Variants in PROS1 observed in about 807,000 individuals in gnomAD.
PROS1 encodes the protein vitamin K-dependent protein S.
In PROS1, 29 loss-of-function variants were observed where a neutral mutation model predicts 75.9. The observed-to-expected ratio is 0.38, with a 90% CI of 0.28 to 0.52. The LOEUF is 0.52. PROS1 is among the 20% of genes least tolerant of loss of function. PROS1 has a pLI of 0.83. For synonymous variants in PROS1, 245 were observed against 280.6 expected, an observed-to-expected ratio of 0.87 and a Z score of 1.27; for missense variants, 680 against 810.3, an observed-to-expected ratio of 0.84 and a Z score of 1.95.
chr3:93,931,715 A>T (rs1026073793), intron 1 of PROS1, among the ~76,000 whole-genome samples: 2 of 151,684 alleles, frequency 1.3e-5, no homozygotes, highest in African/African-American at 4.8e-5. Context: ...TTCTGGAAGC[A>T]TAATGCCTTC....
At position 93,900,066 on chromosome 3, in the gene PROS1, T is replaced by A. The variant is rs191910584; in HGVS notation, c.727+738A>T. 7.1e-4 allele frequency among the ~76,000 whole-genome samples: 108 copies of A among 152,294 alleles called. 1 individual carries two copies. Among genetic ancestry groups the A allele is most frequent in the African/African-American group, 2.4e-3 (101 of 41,562 alleles). On this transcript the variant is annotated intron_variant, in intron 7 of 14. Coordinates refer to ENST00000394236, the MANE Select transcript of PROS1 (RefSeq NM_000313.4). ...TGTTGATTAGTTCCAGCCATGGCAG[T>A]AAATCTGTTTTAAAATTTTAAAAAA...
At position 93,957,719 on chromosome 3, in the gene PROS1, C is replaced by CAAGATATAAAAATCCAA. The variant is rs1197268840; in HGVS notation, c.76+15954_76+15955insTTGGATTTTTATATCTT. Among the ~76,000 whole-genome samples, 2 of 152,070 alleles carry CAAGATATAAAAATCCAA rather than the reference C, an allele frequency of 1.3e-5. 1 individual carries two copies. The highest frequency in any genetic ancestry group is 2.9e-5 in the Non-Finnish European group (2 of 68,036). ...TCTTGGGGGATTGGCTCCAGGACCC[C>CAAGATATAAAAATCCAA]GGCAGATATAAAAATCCAAGGATGC... is the stretch of plus-strand genomic sequence containing the variant. On this transcript the variant is annotated intron_variant, in intron 1 of 14. Coordinates refer to ENST00000394236, the MANE Select transcript of PROS1 (RefSeq NM_000313.4).
chr3:93,927,973 GTA>G (rs1274766996), intron 1 of PROS1, among the ~76,000 whole-genome samples: 3 of 94,112 alleles, frequency 3.2e-5, no homozygotes, highest in Admixed American at 1.3e-4. Flanking sequence ...ATATATGTGT[GTA>G]TATATATGTG....
Position 93,873,081 on chromosome 3 carries a change from G to C in PROS1, c.*1164C>G, listed in dbSNP as rs986728524. On this transcript the variant is annotated 3_prime_UTR_variant, in exon 15 of 15. Coordinates refer to ENST00000394236, the MANE Select transcript of PROS1 (RefSeq NM_000313.4). ...TATGTAATTTTGTTTTATTCAAACA[G>C]TTGATATAATAAAGATATTCACATG... The C allele has an allele frequency of 2.0e-5, 3 of 152,154 alleles. No individual in the cohort carries two copies. The highest frequency in any genetic ancestry group is 7.2e-5 in the African/African-American group (3 of 41,432). The allele number at this position is 152,154 out of a possible 1,614,324, so 9.4% of individuals were successfully genotyped here.
intron 1 of PROS1, among the ~76,000 whole-genome samples, chr3:93,930,847 T>G (rs1289019572): frequency 6.6e-6 from 1 of 152,192 alleles, no homozygotes; most frequent in African/African-American, 2.4e-5. Context: ...ATCATAGGCA[T>G]CCCAACTCTC....
At position 93,973,659 on chromosome 3, in the gene PROS1, C is replaced by T. The variant is rs1266146243; in HGVS notation, c.76+15G>A. 2 of 1,612,792 alleles carry T rather than the reference C, an allele frequency of 1.2e-6. No homozygotes were observed. The highest frequency in any genetic ancestry group is 1.7e-6 in the Non-Finnish European group (2 of 1,179,076). On this transcript the variant is annotated intron_variant, in intron 1 of 14. Transcript: ENST00000394236. ...AATGCTGGGGAAGGGAGAAGAGACG[C>T]TATTGATTACTCACAGTTTGCCTCT...
At chr3:93,973,249 G>A (rs553763858) in intron 1 of PROS1, among the ~76,000 whole-genome samples, 2 of 152,306 alleles carry the variant, frequency 1.3e-5, no homozygotes, top group African/African-American at 4.8e-5. Context: ...GCAAAAGGGA[G>A]GCAGGTTTCA....
At chr3:93,882,754 C>G (rs1326491300) in intron 12 of PROS1, among the ~76,000 whole-genome samples, 1 of 152,082 alleles carries the variant, frequency 6.6e-6, no homozygotes, top group South Asian at 2.1e-4. Flanking sequence ...ACCATGCACT[C>G]AAGAGAAAAC....
intron 12 of PROS1, among the ~76,000 whole-genome samples, chr3:93,884,323 G>A (rs1708314236): frequency 6.6e-6 from 1 of 152,160 alleles, no homozygotes; most frequent in Non-Finnish European, 1.5e-5. Context: ...AACTAGACAA[G>A]TGTGAACAGA....
chr3:93,882,705 C>T (rs1163574588), intron 12 of PROS1, among the ~76,000 whole-genome samples: 1 of 152,170 alleles, frequency 6.6e-6, no homozygotes, highest in Non-Finnish European at 1.5e-5. Context: ...GACACAAAGA[C>T]AATTCATGCT....
At chr3:93,900,104 T>C (rs1284120886) in intron 7 of PROS1, among the ~76,000 whole-genome samples, 1 of 152,128 alleles carries the variant, frequency 6.6e-6, no homozygotes, top group African/African-American at 2.4e-5. Flanking sequence ...GAAAGGAAGG[T>C]ATGAGATAAT....
At chr3:93,952,930 A>G (rs556538493) in intron 1 of PROS1, among the ~76,000 whole-genome samples, 2 of 152,346 alleles carry the variant, frequency 1.3e-5, no homozygotes, top group East Asian at 3.9e-4. Context: ...ACTAACTACC[A>G]TCAGAGAAAA....
rs1445245201 is a variant in PROS1, at chr3:93,879,166, T to C, written c.1641A>G (p.Ser547=). The change falls in exon 13 of 15, where the codon TCA becomes TCG. Residue 547 remains serine, a synonymous_variant. Transcript: ENST00000394236. The stretch of plus-strand genomic sequence containing the variant: ...TATAGGTTTAGAGTTAAGTTACCTG[T>C]GATTTTTCAGAGGTGGAGTCCACCA... ...VSLVDSTSEK[S]QDILLSVENT... 9 of 1,614,014 alleles carry C rather than the reference T, an allele frequency of 5.6e-6. No individual in the cohort carries two copies. The highest frequency in any genetic ancestry group is 7.6e-6 in the Non-Finnish European group (9 of 1,179,920).
intron 1 of PROS1, among the ~76,000 whole-genome samples, chr3:93,950,151 G>A (rs1424142015): frequency 2.0e-5 from 3 of 152,176 alleles, no homozygotes; most frequent in African/African-American, 7.2e-5. Context: ...GTCTGCCATT[G>A]CTGAGGCTTG....
At chr3:93,936,681 G>A (rs1482844009) in intron 1 of PROS1, among the ~76,000 whole-genome samples, 1 of 152,072 alleles carries the variant, frequency 6.6e-6, no homozygotes, top group Admixed American at 6.6e-5. Context: ...AAATTTCTAT[G>A]GTTTAAGCCA....
rs761574063 is a variant in PROS1, at chr3:93,906,137, G to A, written c.353C>T (p.Pro118Leu). The A allele has an allele frequency of 7.4e-6, 12 of 1,612,936 alleles. No individual in the cohort carries two copies. In the South Asian group the frequency reaches 9.9e-5, roughly 13 times the overall value. ...PDLRSCVNAI[P>L]DQCSPLPCNE... Reference sequence around the variant, plus strand: ...GCATGGCAGAGGACTACACTGGTCTGGAATGGCTGAAGGAAATAGACATCT... The same window carrying A: ...GCATGGCAGAGGACTACACTGGTCTAGAATGGCTGAAGGAAATAGACATCT... Residue 118 changes from proline (P) to leucine (L), a missense_variant, in exon 5 of 15, where the codon CCA (proline) becomes CTA (leucine). By Grantham distance (98) the Pro-to-Leu change is moderately conservative (BLOSUM62 -3). Coordinates refer to ENST00000394236, the MANE Select transcript of PROS1 (RefSeq NM_000313.4).
chr3:93,963,434 C>A (rs561838705), intron 1 of PROS1, among the ~76,000 whole-genome samples: 2 of 152,296 alleles, frequency 1.3e-5, no homozygotes, highest in East Asian at 3.9e-4. Flanking sequence ...CACCCTCAAA[C>A]CCCCTCATTG....
intron 3 of PROS1, among the ~76,000 whole-genome samples, chr3:93,918,246 T>G (rs1446050194): frequency 6.6e-6 from 1 of 152,102 alleles, no homozygotes; most frequent in African/African-American, 2.4e-5. Context: ...TGTGTCTAGC[T>G]CAGGGATTGT....
chr3:93,910,696 C>T lies in PROS1; in HGVS notation c.269G>A (p.Arg90His), dbSNP rs200886866. 1.2e-5 allele frequency: 19 copies of T among 1,611,412 alleles called. No individual in the cohort carries two copies. Among genetic ancestry groups the T allele is most frequent in the African/African-American group, 4.0e-5 (3 of 74,784 alleles). ...YFYPKYLVCL[R>H]SFQTGLFTAA... ...AGTGAATAACCCAGTTTGAAAAGAGCGAAGACAAACTGAAAATAAAAACAA... is the reference window on the plus strand; with the variant it reads ...AGTGAATAACCCAGTTTGAAAAGAGTGAAGACAAACTGAAAATAAAAACAA... The change falls in exon 4 of 15, where the codon CGC (arginine) becomes CAC (histidine). Residue 90 changes from arginine (R) to histidine (H), a missense_variant. Physicochemically the swap from Arg to His is conservative, Grantham distance 29. Transcript: ENST00000394236.
Sources: allele counts gnomAD v4.1 joint callset (sites outside exome capture counted in the v4.1 genomes callset), GRCh38; gene constraint gnomAD v4.1.1; transcripts MANE v1.5; gene names NCBI Gene and HGNC (gene_info 2026-07-23, HGNC 2026-07-21).